MYBBP1A: variants seen among roughly 807,000 people sequenced by gnomAD.
The protein encoded by MYBBP1A is myb-binding protein 1A.
In MYBBP1A, 147 loss-of-function variants were observed where a neutral mutation model predicts 136.3. The ratio of observed to expected loss-of-function variants is 1.08; its 90% confidence interval spans 0.94 to 1.24. The LOEUF is 1.24. MYBBP1A is among the 50% of genes most tolerant of loss of function. The pLI, the probability that MYBBP1A is intolerant of heterozygous loss-of-function variation, is 0.00. For missense variants in MYBBP1A, 2,060 were observed against 1,727.4 expected (o/e 1.19, Z -3.41); for synonymous variants, 947 against 735.8 (o/e 1.29, Z -4.65).
At chr17:4,543,795 C>T (rs925781187) in intron 19 of MYBBP1A, among the ~76,000 whole-genome samples, 16 of 152,274 alleles carry the variant, frequency 1.1e-4, no homozygotes, top group African/African-American at 3.1e-4. Flanking sequence ...GCCACCGCCT[C>T]CCTCCTGGGC....
chr17:4,541,525 G>T lies in MYBBP1A; in HGVS notation c.3235C>A (p.His1079Asn). The change falls in exon 24 of 26, where the codon CAT becomes AAT. Residue 1079 changes from histidine to asparagine, a missense_variant. Physicochemically the swap from His to Asn is moderately conservative, Grantham distance 68. Transcript: ENST00000254718. ...TCCAGGGAGGACAGTGCCTGCTGAT[G>T]CTGCGCCTTGGTCTGCGCCTCCCCC... ...VLGEAQTKAQ[H>N]QQALSSLELL... The T allele has an allele frequency of 6.2e-7, 1 of 1,613,458 alleles. No homozygotes were observed. The highest frequency in any genetic ancestry group is 8.5e-7 in the Non-Finnish European group (1 of 1,180,032).
In MYBBP1A at chr17:4,548,190, C is replaced by A; in HGVS notation, c.1677G>T (p.Val559=). The A allele has an allele frequency of 6.2e-7, 1 of 1,606,824 alleles. No individual in the cohort carries two copies. The highest frequency in any genetic ancestry group is 1.3e-5 in the African/African-American group (1 of 75,078). ...ADLLLNHSHN[V]TTVTPFTAQQ... is the part of the protein sequence containing the mutation. The stretch of plus-strand genomic sequence containing the variant: ...GCGCAGTGAAGGGTGTCACGGTGGT[C>A]ACGTTGTGGCTGTGATTCAACAGGA... The change falls in exon 12 of 26, where the codon GTG becomes GTT. Residue 559 remains valine (V), a synonymous_variant. Coordinates refer to ENST00000254718, the MANE Select transcript of MYBBP1A (RefSeq NM_014520.4). The surrounding 1 kb of genome is among the most constrained non-coding windows in gnomAD (Gnocchi z 4.2).
chr17:4,552,492 C>T lies in MYBBP1A; in HGVS notation c.696G>A (p.Leu232=), dbSNP rs1907612354. 2 of 1,613,704 alleles carry T rather than the reference C, an allele frequency of 1.2e-6. No individual in the cohort carries two copies. The highest frequency in any genetic ancestry group is 2.2e-5 in the South Asian group (2 of 91,068). The change falls in exon 6 of 26, where the codon CTG becomes CTA. Residue 232 remains leucine, a synonymous_variant. Transcript: ENST00000254718. This position sits in a 1 kb window ranked among gnomAD's most constrained non-coding sequence, Gnocchi z 4.7. ...QQKVPSKLKK[L]VGSVNLFSDE... ...CTGAGAATAGGTTCACGGATCCCAC[C>T]AGCTTCTTGAGCTTGGAGGGCACCT...
rs1170948377 is a variant in MYBBP1A at position 4,539,749 on chromosome 17, G to A, written c.3653C>T (p.Ala1218Val). The change falls in exon 26 of 26, where the codon GCT becomes GTT. Residue 1218 changes from alanine (A) to valine (V), a missense_variant. Coordinates refer to ENST00000254718, the MANE Select transcript of MYBBP1A (RefSeq NM_014520.4). Reference sequence around the variant, plus strand: ...CCCGTTTGCCTGGGCTGGGACCTTAGCCTTTGTCCTGTTCCTCTTCTTCCT... The same window carrying A: ...CCCGTTTGCCTGGGCTGGGACCTTAACCTTTGTCCTGTTCCTCTTCTTCCT... ...MGRKKRNRTK[A>V]KVPAQANGTP... 4 of 1,613,192 alleles carry A rather than the reference G, an allele frequency of 2.5e-6. No individual in the cohort carries two copies. Among genetic ancestry groups the A allele is most frequent in the African/African-American group, 2.7e-5 (2 of 74,900 alleles).
intron 3 of MYBBP1A, 21 bp downstream of exon 3, chr17:4,554,173 AC>A: frequency 6.2e-7 from 1 of 1,612,994 alleles, no homozygotes; most frequent in East Asian, 2.2e-5. Context: ...GGGGCTGCTG[AC>A]CTCCCTGGCC....
At position 4,542,653 on chromosome 17, in the gene MYBBP1A, G is replaced by C. The variant is rs776260379; in HGVS notation, c.2981C>G (p.Thr994Arg). ...SFLTKRNSPL[T>R]VPMFLSLFSR... Reference sequence around the variant, plus strand: ...GAAGAGGCTGAGGAACATGGGAACTGTGAGGGGGCTGTTGCGCTTGGTCAG... The same window carrying C: ...GAAGAGGCTGAGGAACATGGGAACTCTGAGGGGGCTGTTGCGCTTGGTCAG... Residue 994 changes from threonine (T) to arginine (R), a missense_variant, in exon 21 of 26, where the codon ACA (threonine) becomes AGA (arginine). Thr to Arg is a moderately conservative substitution (Grantham distance 71). Coordinates refer to ENST00000254718, the MANE Select transcript of MYBBP1A (RefSeq NM_014520.4). The C allele has an allele frequency of 6.2e-7, 1 of 1,613,922 alleles. No individual in the cohort carries two copies. Among genetic ancestry groups the C allele is most frequent in the Non-Finnish European group, 8.5e-7 (1 of 1,179,946 alleles).
rs771549114 is a variant in MYBBP1A at position 4,551,898 on chromosome 17, C to T, written c.1005G>A (p.Glu335=). The T allele has an allele frequency of 1.9e-6, 3 of 1,613,426 alleles. No homozygotes were observed. The highest frequency in any genetic ancestry group is 2.5e-6 in the Non-Finnish European group (3 of 1,179,808). ...MQGDVIRHYG[E]HVCTAKLPKQ... is the part of the protein sequence containing the mutation. ...TACCCACCTTAGCAGTGCACACGTGCTCCCCGTAATGGCGGATCACGTCTC... is the reference window on the plus strand; with the variant it reads ...TACCCACCTTAGCAGTGCACACGTGTTCCCCGTAATGGCGGATCACGTCTC... The change falls in exon 8 of 26, where the codon GAG becomes GAA. Residue 335 remains glutamate, a synonymous_variant. Transcript: ENST00000254718.
At chr17:4,550,898 T>C (rs1907453388) in intron 8 of MYBBP1A, among the ~76,000 whole-genome samples, 1 of 152,252 alleles carries the variant, frequency 6.6e-6, no homozygotes, top group Admixed American at 6.5e-5. Flanking sequence ...AATATTGTCA[T>C]TGCACAGGTG....
rs776153732 is a variant in MYBBP1A, at chr17:4,539,945, CCTT to C, written c.3454_3456del (p.Lys1152del). On this transcript the variant is annotated inframe_deletion, in exon 26 of 26. Coordinates refer to ENST00000254718, the MANE Select transcript of MYBBP1A (RefSeq NM_014520.4). Reference sequence around the variant, plus strand: ...GTGGCACTGGGGATCTCCTTGGCATCCTTCTTCTCCAACTTGGGGCGCCTGAAG... The same window carrying C: ...GTGGCACTGGGGATCTCCTTGGCATCCTTCTCCAACTTGGGGCGCCTGAAG... The C allele has an allele frequency of 1.2e-4, 188 of 1,598,766 alleles. 1 individual carries two copies. Among genetic ancestry groups the C allele is most frequent in the Middle Eastern group, 6.6e-4 (4 of 6,056 alleles).
At position 4,552,891 on chromosome 17, in the gene MYBBP1A, T is replaced by C. The variant is rs1229282331; in HGVS notation, c.562-265A>G. 6.6e-6 allele frequency among the ~76,000 whole-genome samples: 1 copy of C among 151,636 alleles called. No individual in the cohort carries two copies. The highest frequency in any genetic ancestry group is 1.9e-4 in the East Asian group (1 of 5,152). ...ACTTTGCCACCCAGGCTGAGTATAGTGGTGTGATCTTGGCTCACTGCAACC... is the reference window on the plus strand; with the variant it reads ...ACTTTGCCACCCAGGCTGAGTATAGCGGTGTGATCTTGGCTCACTGCAACC... On this transcript the variant is annotated intron_variant, in intron 5 of 25. Coordinates refer to ENST00000254718, the MANE Select transcript of MYBBP1A (RefSeq NM_014520.4). This position sits in a 1 kb window ranked among gnomAD's most constrained non-coding sequence, Gnocchi z 4.7.
At chr17:4,540,013 A>AGCCACC (rs765435805) in intron 25 of MYBBP1A, 46 bp from the exon 26 acceptor site, 6 of 1,567,688 alleles carry the variant, frequency 3.8e-6, no homozygotes, top group South Asian at 2.3e-5. Flanking sequence ...CGAGGGCAGC[A>AGCCACC]GCCACCGCCA....
In MYBBP1A at chr17:4,539,564, C is replaced by G; in HGVS notation, c.3838G>C (p.Ala1280Pro). 6.2e-7 allele frequency: 1 copy of G among 1,614,130 alleles called. No homozygotes were observed. The highest frequency in any genetic ancestry group is 1.1e-5 in the South Asian group (1 of 91,084). ...EPAGQKQHQK[A>P]LPKKGVLGKS... ...CCCAAGACCCCCTTTTTGGGAAGAG[C>G]CTTCTGATGCTGCTTTTGGCCTGCA... Residue 1280 changes from alanine (A) to proline (P), a missense_variant, in exon 26 of 26, where the codon GCT (alanine) becomes CCT (proline). Transcript: ENST00000254718.
At chr17:4,546,016 C>A in intron 13 of MYBBP1A, 74 bp from the exon 14 acceptor site, 1 of 1,375,324 alleles carries the variant, frequency 7.3e-7, no homozygotes, top group Non-Finnish European at 1.0e-6. Flanking sequence ...AGGGGCTGGC[C>A]AAATGGCAGC....
Position 4,542,814 on chromosome 17 carries a change from C to T in MYBBP1A, c.2893-73G>A, listed in dbSNP as rs556759636. 2.6e-3 allele frequency: 4,112 copies of T among 1,601,392 alleles called. 8 individuals carry two copies. Among genetic ancestry groups the T allele is most frequent in the Middle Eastern group, 0.01 (58 of 5,778 alleles). ...GGGATGGGAGCAGAGCCTGGCCTAC[C>T]TTCATCAGAAGGCTGAGGGTTGGGC... On this transcript the variant is annotated intron_variant, in intron 20 of 25. Transcript: ENST00000254718.
At position 4,552,529 on chromosome 17, in the gene MYBBP1A, A is replaced by G; in HGVS notation, c.659T>C (p.Leu220Pro). The change falls in exon 6 of 26, where the codon CTG (leucine) becomes CCG (proline). Residue 220 changes from leucine (L) to proline (P), a missense_variant. Transcript: ENST00000254718. The surrounding 1 kb of genome is among the most constrained non-coding windows in gnomAD (Gnocchi z 4.7). ...CTTGGAGGGCACCTTCTGCTGGGCCAGGAGGAAGAGCTCTAGCTGTTCAGG... is the reference window on the plus strand; with the variant it reads ...CTTGGAGGGCACCTTCTGCTGGGCCGGGAGGAAGAGCTCTAGCTGTTCAGG... ...SSPEQLELFL[L>P]AQQKVPSKLK... is the part of the protein sequence containing the mutation. 1.2e-6 allele frequency: 2 copies of G among 1,613,996 alleles called. No individual in the cohort carries two copies. Among genetic ancestry groups the G allele is most frequent in the Non-Finnish European group, 1.7e-6 (2 of 1,180,028 alleles).
intron 17 of MYBBP1A, 27 bp downstream of exon 17, chr17:4,544,999 G>GCCCCCCCCCCCCCCCCCCCCCCCCC: frequency 2.0e-6 from 1 of 498,358 alleles, no homozygotes; most frequent in Non-Finnish European, 2.6e-6. Context: ...CTCCCCGGCC[G>GCCCCCCCCCCCCCCCCCCCCCCCCC]CCCCCCCCTC....
At position 4,542,463 on chromosome 17, in the gene MYBBP1A, C is replaced by T. The variant is rs1271303431; in HGVS notation, c.3087+1G>A. ...GGGCTGGGAGCTGGGAAGTCTCTCA[C>T]CTGATGACGGGGCCGCACCGGGCCC... On this transcript the variant is annotated splice_donor_variant, in intron 22 of 25. Transcript: ENST00000254718. LOFTEE classifies it high-confidence loss of function. 38 of 1,606,676 alleles carry T rather than the reference C, an allele frequency of 2.4e-5. No homozygotes were observed. Among genetic ancestry groups the T allele is most frequent in the Non-Finnish European group, 3.1e-5 (37 of 1,175,684 alleles).
chr17:4,548,204 G>A lies in MYBBP1A; in HGVS notation c.1663C>T (p.His555Tyr). ...LVQFADLLLN[H>Y]SHNVTTVTPF... is the part of the protein sequence containing the mutation. ...GTCACGGTGGTCACGTTGTGGCTGTGATTCAACAGGAGGTCTGCGAACTGC... is the reference window on the plus strand; with the variant it reads ...GTCACGGTGGTCACGTTGTGGCTGTAATTCAACAGGAGGTCTGCGAACTGC... The change falls in exon 12 of 26, where the codon CAC (histidine) becomes TAC (tyrosine). Residue 555 changes from histidine to tyrosine, a missense_variant. Transcript: ENST00000254718. The surrounding 1 kb of genome is among the most constrained non-coding windows in gnomAD (Gnocchi z 4.2). 6.2e-7 allele frequency: 1 copy of A among 1,608,426 alleles called. No individual in the cohort carries two copies. The highest frequency in any genetic ancestry group is 1.1e-5 in the South Asian group (1 of 91,068).
intron 13 of MYBBP1A, among the ~76,000 whole-genome samples, chr17:4,546,399 G>A (rs576211810): frequency 4.6e-5 from 7 of 152,164 alleles, no homozygotes; most frequent in Non-Finnish European, 8.8e-5. Flanking sequence ...TGCTGGGATT[G>A]CAGGTGTGAG....
Sources: gnomAD v4.1 joint callset for allele counts (sites outside exome capture counted in the v4.1 genomes callset) on GRCh38, gnomAD v4.1.1 for gene constraint, Gnocchi (gnomAD v3.1) non-coding constraint, MANE v1.5 for transcripts, NCBI Gene and HGNC (gene_info 2026-07-23, HGNC 2026-07-21) for gene names.